The following COPG2 variants were observed in gnomAD, a reference collection of about 807,000 sequenced individuals.
COPG2 encodes the protein coatomer subunit gamma-2.
Under a neutral mutation model 46.3 loss-of-function variants are expected in COPG2, and 37 were observed. That is an observed-to-expected ratio of 0.80 (90% CI 0.61 to 1.05). COPG2 has a LOEUF of 1.05. Ranked by LOEUF, COPG2 falls within the 50% of genes least tolerant of loss-of-function variation. COPG2 has a pLI of 0.00. For synonymous variants in COPG2, 159 were observed against 129.7 expected, an observed-to-expected ratio of 1.23 and a Z score of -1.53; for missense variants, 427 against 387.8, an observed-to-expected ratio of 1.10 and a Z score of -0.85.
At position 130,563,774 on chromosome 7, in the gene COPG2, G is replaced by GAA. The variant is rs1341758494; in HGVS notation, c.872-440_872-439dup. 5.5e-4 allele frequency among the ~76,000 whole-genome samples: 48 copies of GAA among 88,022 alleles called. No individual in the cohort carries two copies. The South Asian group carries it at 5.8e-3, about 11-fold the overall frequency. The allele number at this position is 88,022 out of a possible 152,430, so 57.7% of individuals were successfully genotyped here. The stretch of plus-strand genomic sequence containing the variant: ...CCGTCTCAAAAAAAAAAAAAAAAAA[G>GAA]AAAAAAAAAAAAGAAAAAGCACTTT... On this transcript the variant is annotated intron_variant, in intron 10 of 23. Coordinates refer to ENST00000425248, the MANE Select transcript of COPG2 (RefSeq NM_012133.6).
At chr7:130,517,828 G>A (rs1198239172) in intron 20 of COPG2, among the ~76,000 whole-genome samples, 2 of 152,230 alleles carry the variant, frequency 1.3e-5, no homozygotes, top group Non-Finnish European at 2.9e-5. Flanking sequence ...GTTCTGAGTG[G>A]TCAAGTTGCA....
intron 20 of COPG2, among the ~76,000 whole-genome samples, chr7:130,537,658 C>G (rs1382924410): frequency 2.6e-5 from 4 of 152,198 alleles, no homozygotes; most frequent in African/African-American, 9.6e-5. Context: ...TTATGGAGGC[C>G]AGCAGCTTAC....
At chr7:130,561,611 T>G (rs1040872946) in intron 11 of COPG2, among the ~76,000 whole-genome samples, 2 of 152,098 alleles carry the variant, frequency 1.3e-5, no homozygotes, top group Non-Finnish European at 1.5e-5. Context: ...TAAAAAATAC[T>G]GCTGCATTTC....
At chr7:130,665,177 C>G (rs1211534110) in intron 3 of COPG2, among the ~76,000 whole-genome samples, 1 of 152,052 alleles carries the variant, frequency 6.6e-6, no homozygotes, top group African/African-American at 2.4e-5. Flanking sequence ...GAGACTCCAT[C>G]TCAAAAAATA....
chr7:130,608,510 C>T (rs1219839300), intron 9 of COPG2, among the ~76,000 whole-genome samples: 8 of 152,236 alleles, frequency 5.3e-5, no homozygotes, highest in East Asian at 1.9e-4. Flanking sequence ...CAAATCCTTT[C>T]GGGTTTTTGT....
chr7:130,521,417 G>C (rs1210098879), intron 20 of COPG2, among the ~76,000 whole-genome samples: 1 of 152,280 alleles, frequency 6.6e-6, no homozygotes, highest in South Asian at 2.1e-4. Context: ...AAGAAATACC[G>C]AAAGGGACTG....
intron 10 of COPG2, 101 bp downstream of exon 10, chr7:130,564,159 C>T (rs1300134443): frequency 2.5e-6 from 1 of 397,736 alleles, no homozygotes; most frequent in Non-Finnish European, 4.4e-6. Context: ...ATACACAGAG[C>T]TAGTGTTCAG....
chr7:130,598,257 C>G (rs1554449957), intron 9 of COPG2, among the ~76,000 whole-genome samples: 1 of 152,122 alleles, frequency 6.6e-6, no homozygotes, highest in African/African-American at 2.4e-5. Flanking sequence ...AGTACTGCCT[C>G]AGGGCTTTAG....
At chr7:130,625,733 G>C (rs1554454213) in intron 5 of COPG2, among the ~76,000 whole-genome samples, 2 of 151,130 alleles carry the variant, frequency 1.3e-5, no homozygotes, top group Admixed American at 6.6e-5. Flanking sequence ...TTCAAAAATA[G>C]GATTTTGATT....
chr7:130,598,716 T>A (rs1794576621), intron 9 of COPG2, among the ~76,000 whole-genome samples: 1 of 152,326 alleles, frequency 6.6e-6, no homozygotes, highest in East Asian at 1.9e-4. Flanking sequence ...CCCCATCTTC[T>A]GTTCTTATAC....
At chr7:130,603,475 T>G (rs1554450643) in intron 9 of COPG2, among the ~76,000 whole-genome samples, 1 of 152,138 alleles carries the variant, frequency 6.6e-6, no homozygotes, top group Non-Finnish European at 1.5e-5. Context: ...ATCCCAGCAC[T>G]TTGGGAGGCC....
chr7:130,540,361 AAG>A (rs1799924298), intron 20 of COPG2, among the ~76,000 whole-genome samples: 1 of 151,996 alleles, frequency 6.6e-6, no homozygotes, highest in Admixed American at 6.6e-5. Context: ...TCGGGAAACA[AAG>A]GGGGAAGTTT....
intron 11 of COPG2, among the ~76,000 whole-genome samples, chr7:130,561,894 T>G (rs1793727595): frequency 6.6e-6 from 1 of 152,218 alleles, no homozygotes; most frequent in South Asian, 2.1e-4. Context: ...ATATGTTTTG[T>G]GCAAAAATAT....
intron 5 of COPG2, among the ~76,000 whole-genome samples, chr7:130,623,094 T>A (rs1554453820): frequency 3.9e-5 from 6 of 152,162 alleles, no homozygotes. Flanking sequence ...CATGGGAGTG[T>A]CAGCTGCCTG....
At chr7:130,634,496 T>C (rs1267114025) in intron 5 of COPG2, among the ~76,000 whole-genome samples, 1 of 152,198 alleles carries the variant, frequency 6.6e-6, no homozygotes, top group Non-Finnish European at 1.5e-5. Flanking sequence ...GAATGGGAGT[T>C]CACTCATGAT....
At position 130,513,327 on chromosome 7, in the gene COPG2, A is replaced by ATGTGTGTGTGTGTGTGTGTG. The variant is rs1270078580; in HGVS notation, c.2150-4669_2150-4668insCACACACACACACACACACA. 2.2e-3 allele frequency among the ~76,000 whole-genome samples: 135 copies of ATGTGTGTGTGTGTGTGTGTG among 61,076 alleles called. 2 individuals are homozygous for ATGTGTGTGTGTGTGTGTGTG. Among genetic ancestry groups the ATGTGTGTGTGTGTGTGTGTG allele is most frequent in the Middle Eastern group, 8.5e-3 (1 of 118 alleles). The allele number at this position is 61,076 out of a possible 152,430, so 40.1% of individuals were successfully genotyped here. A position where few individuals can be genotyped will look rare whatever the true frequency, so the allele number is the denominator to read the frequency against. On this transcript the variant is annotated intron_variant, in intron 20 of 23. Transcript: ENST00000425248. ...AAAAAAAATATATATATATATATAT[A>ATGTGTGTGTGTGTGTGTGTG]TATATATATATATATGTGTGTGTGT...
intron 9 of COPG2, among the ~76,000 whole-genome samples, chr7:130,601,845 G>A (rs1485858194): frequency 3.5e-5 from 5 of 143,456 alleles, no homozygotes; most frequent in Admixed American, 2.2e-4. Context: ...GAAGGAAGGA[G>A]GGAAGGAAGG....
At chr7:130,652,731 C>T in intron 5 of COPG2, 138 bp downstream of exon 5, 1 of 650,704 alleles carries the variant, frequency 1.5e-6, no homozygotes, top group Non-Finnish European at 2.6e-6. Flanking sequence ...ATGAAAACTT[C>T]ATTTTAGAAA....
At position 130,604,726 on chromosome 7, in the gene COPG2, G is replaced by A. The variant is rs782726272; in HGVS notation, c.737+6227C>T. The A allele has an allele frequency of 5.8e-6, 3 of 517,086 alleles. No individual in the cohort carries two copies. In the Admixed American group the frequency reaches 5.9e-5, roughly 10 times the overall value. The allele number at this position is 517,086 out of a possible 1,614,324, so 32.0% of individuals were successfully genotyped here. A position where few individuals can be genotyped will look rare whatever the true frequency, so the allele number is the denominator to read the frequency against. ...TACTATTTAAAAAATAAAAATAGCAGGCATTTTTGTCTGTCTCATTCACAA... is the reference window on the plus strand; with the variant it reads ...TACTATTTAAAAAATAAAAATAGCAAGCATTTTTGTCTGTCTCATTCACAA... On this transcript the variant is annotated intron_variant, in intron 9 of 23. Transcript: ENST00000425248.
Sources: gnomAD v4.1 joint callset for allele counts (sites outside exome capture counted in the v4.1 genomes callset) on GRCh38, gnomAD v4.1.1 for gene constraint, MANE v1.5 for transcripts, NCBI Gene and HGNC (gene_info 2026-07-23, HGNC 2026-07-21) for gene names.